Variants in CCDC186 observed in about 807,000 individuals in gnomAD.
The protein encoded by CCDC186 is coiled-coil domain-containing protein 186.
In CCDC186, 49 loss-of-function variants were observed where a neutral mutation model predicts 113.7. That is an observed-to-expected ratio of 0.43 (90% CI 0.34 to 0.55). The LOEUF is 0.55. CCDC186 is among the 20% of genes least tolerant of loss of function. The pLI, the probability that CCDC186 is intolerant of heterozygous loss-of-function variation, is 0.02. For synonymous variants in CCDC186, 355 were observed against 345.8 expected (o/e 1.03, Z -0.30); for missense variants, 890 against 1,011.1 (o/e 0.88, Z 1.62).
intron 10 of CCDC186, among the ~76,000 whole-genome samples, chr10:114,134,653 G>C (rs1321672150): frequency 1.3e-5 from 2 of 152,122 alleles, no homozygotes; most frequent in Non-Finnish European, 2.9e-5. Context: ...GAAAGCTAAG[G>C]AATGGATAAG....
At chr10:114,168,794 G>GC (rs1245494600) in intron 1 of CCDC186, among the ~76,000 whole-genome samples, 1 of 152,114 alleles carries the variant, frequency 6.6e-6, no homozygotes, top group African/African-American at 2.4e-5. Context: ...TTTCTCTATT[G>GC]CAATACTGCT....
intron 6 of CCDC186, among the ~76,000 whole-genome samples, chr10:114,137,794 TG>T: frequency 6.6e-6 from 1 of 150,534 alleles, no homozygotes; most frequent in Non-Finnish European, 1.5e-5. Context: ...CCCAGCACTT[TG>T]GGGGGCTGAG....
chr10:114,163,341 A>G lies in CCDC186; in HGVS notation c.-61-12T>C. 1 of 1,533,622 alleles carries G rather than the reference A, an allele frequency of 6.5e-7. No homozygotes were observed. Among genetic ancestry groups the G allele is most frequent in the South Asian group, 1.3e-5 (1 of 79,012 alleles). ...TCTTCGTTTTACATCTAAGAAATTG[A>G]AACATCAAAATTAAAAACCACTTTA... On this transcript the variant is annotated splice_polypyrimidine_tract_variant and intron_variant, in intron 1 of 15. Transcript: ENST00000369287.
At chr10:114,153,120 A>G (rs1200287812) in intron 3 of CCDC186, among the ~76,000 whole-genome samples, 2 of 152,210 alleles carry the variant, frequency 1.3e-5, no homozygotes, top group Non-Finnish European at 2.9e-5. Flanking sequence ...ATGGAATCTA[A>G]TACATCTATA....
chr10:114,135,049 A>T lies in CCDC186; in HGVS notation c.1519T>A (p.Cys507Ser). Residue 507 changes from cysteine (C) to serine (S), a missense_variant, in exon 10 of 16, where the codon TGT becomes AGT. Cys to Ser is a moderately radical substitution (Grantham distance 112). Coordinates refer to ENST00000369287, the MANE Select transcript of CCDC186 (RefSeq NM_018017.4). Reference sequence around the variant, plus strand: ...GTTCTTAATCGTTCATCTTCTAGACATTTCACCTATCAAATGATCACAACC... The same window carrying T: ...GTTCTTAATCGTTCATCTTCTAGACTTTTCACCTATCAAATGATCACAACC... ...ELRTLRTKVK[C>S]LEDERLRTED... is the part of the protein sequence containing the mutation. The T allele has an allele frequency of 6.2e-7, 1 of 1,604,314 alleles. No individual in the cohort carries two copies. The highest frequency in any genetic ancestry group is 1.3e-5 in the African/African-American group (1 of 74,556).
At chr10:114,149,621 AGGAAAGGGAG>A (rs2031762585) in intron 4 of CCDC186, among the ~76,000 whole-genome samples, 1 of 13,890 alleles carries the variant, frequency 7.2e-5, no homozygotes, top group African/African-American at 3.3e-4. Flanking sequence ...AGGGAAGGGA[AGGAAAGGGAG>A]GGGAGGGGAG....
At chr10:114,142,175 G>A (rs1013765249) in intron 6 of CCDC186, among the ~76,000 whole-genome samples, 4 of 152,130 alleles carry the variant, frequency 2.6e-5, no homozygotes, top group Non-Finnish European at 5.9e-5. Flanking sequence ...CGACAGCCTC[G>A]GGAGAAGAGC....
chr10:114,165,998 A>T, intron 1 of CCDC186: 1 of 925,332 alleles, frequency 1.1e-6, no homozygotes, highest in Non-Finnish European at 1.3e-6. Flanking sequence ...AACCTGTCTT[A>T]ATTTCTGGAA....
intron 4 of CCDC186, among the ~76,000 whole-genome samples, chr10:114,149,576 AG>A (rs1417233133): frequency 6.8e-5 from 1 of 14,790 alleles, no homozygotes; most frequent in Non-Finnish European, 1.3e-4. Flanking sequence ...AGGGAAGGGA[AG>A]GGAAGGGAAG....
chr10:114,134,805 G>GTAAAATTGTAAAAATTTCAGCTAT (rs1357007643), intron 10 of CCDC186, 108 bp downstream of exon 10: 3 of 1,238,744 alleles, frequency 2.4e-6, no homozygotes, highest in Non-Finnish European at 3.4e-6. Flanking sequence ...ATTTCAGCTA[G>GTAAAATTGTAAAAATTTCAGCTAT]TAAAATTGTA....
intron 5 of CCDC186, among the ~76,000 whole-genome samples, 196 bp from the exon 6 acceptor site, chr10:114,144,812 A>G (rs1301064777): frequency 6.6e-6 from 1 of 152,146 alleles, no homozygotes; most frequent in Admixed American, 6.5e-5. Context: ...AATAGACACA[A>G]AGATGATTTA....
intron 12 of CCDC186, chr10:114,130,576 G>T (rs1213173928): frequency 6.6e-6 from 1 of 152,072 alleles, no homozygotes; most frequent in Non-Finnish European, 1.5e-5. Flanking sequence ...ACTTTCTGGG[G>T]TCTGTTTCTT....
chr10:114,160,011 T>C (rs1340956178), intron 2 of CCDC186, among the ~76,000 whole-genome samples: 2 of 152,144 alleles, frequency 1.3e-5, no homozygotes, highest in Non-Finnish European at 2.9e-5. Flanking sequence ...GGCTCACGCC[T>C]GTAATCCCAG....
rs762364722 is a variant in CCDC186, at chr10:114,162,772, A to G, written c.497T>C (p.Ile166Thr). The G allele has an allele frequency of 2.8e-5, 45 of 1,613,772 alleles. No individual in the cohort carries two copies. Among genetic ancestry groups the G allele is most frequent in the Non-Finnish European group, 3.4e-5 (40 of 1,179,908 alleles). ...CTCCGTAGATAAGAGCTCAGATTCT[A>G]TTTCTTCCAACAAATCCTCTGATGC... ...VSASEDLLEE[I>T]ESELLSTEFA... is the part of the protein sequence containing the mutation. The change falls in exon 2 of 16, where the codon ATA becomes ACA. Residue 166 changes from isoleucine to threonine, a missense_variant. Coordinates refer to ENST00000369287, the MANE Select transcript of CCDC186 (RefSeq NM_018017.4).
At position 114,121,189 on chromosome 10, in the gene CCDC186, T is replaced by C. The variant is rs962610078; in HGVS notation, c.*3954A>G. The C allele has an allele frequency of 1.3e-5, 2 of 152,320 alleles. No homozygotes were observed. Among genetic ancestry groups the C allele is most frequent in the African/African-American group, 4.8e-5 (2 of 41,588 alleles). The allele number at this position is 152,320 out of a possible 1,614,324, so 9.4% of individuals were successfully genotyped here. A position where few individuals can be genotyped will look rare whatever the true frequency, so the allele number is the denominator to read the frequency against. On this transcript the variant is annotated 3_prime_UTR_variant, in exon 16 of 16. Coordinates refer to ENST00000369287, the MANE Select transcript of CCDC186 (RefSeq NM_018017.4). ...TACCTTTTCAATTTTTCTTTGTTCA[T>C]CTTTGAAAAATTTCAGGTTTCTAGT...
intron 1 of CCDC186, chr10:114,165,968 A>AT (rs201049077): frequency 0.019 from 15,728 of 826,306 alleles, 4 homozygotes; most frequent in Middle Eastern, 0.023. Flanking sequence ...TTGTGACTTC[A>AT]TTTTTTTTTT....
chr10:114,150,782 G>A (rs1196643604), intron 4 of CCDC186, among the ~76,000 whole-genome samples: 1 of 152,086 alleles, frequency 6.6e-6, no homozygotes, highest in Non-Finnish European at 1.5e-5. Flanking sequence ...CCAAGTAGCT[G>A]GGACTACAGG....
chr10:114,138,243 AAAACAAAACAAAAC>A (rs2031342708), intron 6 of CCDC186, among the ~76,000 whole-genome samples: 1 of 112,978 alleles, frequency 8.9e-6, no homozygotes, highest in African/African-American at 4.8e-5. Context: ...TTGTCACAAA[AAAACAAAACAAAAC>A]AAAACAAAAC....
chr10:114,137,796 G>T lies in CCDC186; in HGVS notation c.1222-506C>A, dbSNP rs539428653. ...TCATGCCTGTAATCCCAGCACTTTG[G>T]GGGGCTGAGGTGGGCAGATCATCAG... On this transcript the variant is annotated intron_variant, in intron 6 of 15. Transcript: ENST00000369287. Among the ~76,000 whole-genome samples the T allele has an allele frequency of 3.9e-5, 6 of 152,080 alleles. No homozygotes were observed. In the South Asian group the frequency reaches 1.0e-3, roughly 26 times the overall value.
Sources: gnomAD v4.1 joint callset for allele counts (sites outside exome capture counted in the v4.1 genomes callset) on GRCh38, gnomAD v4.1.1 for gene constraint, MANE v1.5 for transcripts, NCBI Gene and HGNC (gene_info 2026-07-23, HGNC 2026-07-21) for gene names.